SLC4A4: variants seen among roughly 807,000 people sequenced by gnomAD.
SLC4A4 encodes electrogenic sodium bicarbonate cotransporter 1.
Under a neutral mutation model 111.5 loss-of-function variants are expected in SLC4A4, and 27 were observed. That is an observed-to-expected ratio of 0.24 (90% CI 0.18 to 0.33). SLC4A4 has a LOEUF of 0.33. Ranked by LOEUF, SLC4A4 falls within the 10% of genes least tolerant of loss-of-function variation. The pLI is 1.00. For synonymous variants in SLC4A4, 443 were observed against 463.4 expected (o/e 0.96, Z 0.57); for missense variants, 909 against 1,315.5 (o/e 0.69, Z 4.78).
chr4:71,465,649 C>T (rs1474947308), intron 12 of SLC4A4, among the ~76,000 whole-genome samples: 5 of 151,700 alleles, frequency 3.3e-5, no homozygotes, highest in Non-Finnish European at 5.9e-5. Flanking sequence ...TCCTGAGTGA[C>T]GTGATTAGGA....
At chr4:71,468,273 C>T (rs1013216039) in intron 13 of SLC4A4, among the ~76,000 whole-genome samples, 1 of 151,918 alleles carries the variant, frequency 6.6e-6, no homozygotes, top group African/African-American at 2.4e-5. Context: ...ACAAGAAAGC[C>T]TTTGTGGAAA....
intron 1 of SLC4A4, among the ~76,000 whole-genome samples, chr4:71,069,632 C>T (rs745764668): frequency 5.3e-5 from 8 of 152,148 alleles, no homozygotes; most frequent in East Asian, 1.9e-4. Context: ...TCATGGACAC[C>T]GAAAAGATGA....
At chr4:71,298,114 G>A (rs988318631) in intron 3 of SLC4A4, among the ~76,000 whole-genome samples, 4 of 152,140 alleles carry the variant, frequency 2.6e-5, no homozygotes, top group Non-Finnish European at 5.9e-5. Flanking sequence ...AGCATTTTGT[G>A]AACCATAAAC....
chr4:71,130,338 T>C (rs1743668833), intron 2 of SLC4A4, among the ~76,000 whole-genome samples: 1 of 152,176 alleles, frequency 6.6e-6, no homozygotes, highest in Admixed American at 6.5e-5. Context: ...TAAGCAATTC[T>C]ACCACCTCAG....
rs191293592 is a variant in SLC4A4, at chr4:71,480,989, T to G, written c.1904-5959T>G. ...TTTCTCCAGGTCACAGAGCTAGGAG[T>G]AATCTTAGCTGCCATTTATTTAGAT... On this transcript the variant is annotated intron_variant, in intron 14 of 25. Transcript: ENST00000264485. 1.3e-4 allele frequency among the ~76,000 whole-genome samples: 20 copies of G among 151,796 alleles called. No homozygotes were observed. In the East Asian group the frequency reaches 3.7e-3, roughly 28 times the overall value.
rs562361564 is a variant in SLC4A4, at chr4:71,402,933, A to G, written c.807+5280A>G. ...CCTTTTCCCATTCTATGCTTCTCCC[A>G]TATTCTTAAAGCTTAAACAGTTGAC... On this transcript the variant is annotated intron_variant, in intron 7 of 25. Coordinates refer to ENST00000264485, the MANE Select transcript of SLC4A4 (RefSeq NM_001098484.3). Among the ~76,000 whole-genome samples the G allele has an allele frequency of 1.5e-3, 231 of 152,322 alleles. 1 individual carries two copies. The highest frequency in any genetic ancestry group is 5.5e-3 in the African/African-American group (227 of 41,568).
chr4:71,311,718 C>T (rs1726183737), intron 3 of SLC4A4, among the ~76,000 whole-genome samples: 1 of 152,032 alleles, frequency 6.6e-6, no homozygotes, highest in Non-Finnish European at 1.5e-5. Context: ...ACTCAATGCC[C>T]AAAGGAGAAA....
At chr4:71,390,526 A>C (rs1014389016) in intron 6 of SLC4A4, among the ~76,000 whole-genome samples, 1 of 152,164 alleles carries the variant, frequency 6.6e-6, no homozygotes, top group East Asian at 1.9e-4. Flanking sequence ...TTAGAATGGC[A>C]AACAGAGTGG....
intron 3 of SLC4A4, among the ~76,000 whole-genome samples, chr4:71,316,840 T>G (rs1726723480): frequency 6.6e-6 from 1 of 152,110 alleles, no homozygotes; most frequent in Non-Finnish European, 1.5e-5. Context: ...TTGCTGAGGA[T>G]AATGGCTTTG....
chr4:71,064,811 G>A (rs1173604748), intron 1 of SLC4A4, among the ~76,000 whole-genome samples: 1 of 152,162 alleles, frequency 6.6e-6, no homozygotes, highest in African/African-American at 2.4e-5. Flanking sequence ...TAAAATTTGC[G>A]CTGTGCCACT....
intron 2 of SLC4A4, among the ~76,000 whole-genome samples, chr4:71,172,853 G>A (rs556557287): frequency 6.6e-6 from 1 of 152,238 alleles, no homozygotes; most frequent in East Asian, 1.9e-4. Flanking sequence ...AAAAGCTAAA[G>A]TCACAGTATC....
intron 2 of SLC4A4, among the ~76,000 whole-genome samples, chr4:71,125,418 C>G (rs1743534312): frequency 1.3e-5 from 2 of 152,118 alleles, no homozygotes; most frequent in South Asian, 4.1e-4. Context: ...ACTAAAAATA[C>G]AAAAAAATTA....
At chr4:71,084,014 C>G (rs967420263) in intron 1 of SLC4A4, among the ~76,000 whole-genome samples, 2 of 151,726 alleles carry the variant, frequency 1.3e-5, no homozygotes, top group African/African-American at 4.9e-5. Flanking sequence ...CTCTCTCTCT[C>G]TCTCTCTGTC....
At chr4:71,507,193 G>T (rs1731495196) in intron 16 of SLC4A4, among the ~76,000 whole-genome samples, 1 of 152,128 alleles carries the variant, frequency 6.6e-6, no homozygotes, top group South Asian at 2.1e-4. Flanking sequence ...AAACAAGTCT[G>T]CAAAATAACC....
At chr4:71,074,276 G>A (rs557231895) in intron 1 of SLC4A4, among the ~76,000 whole-genome samples, 76 of 152,314 alleles carry the variant, frequency 5.0e-4, no homozygotes, top group South Asian at 2.5e-3. Flanking sequence ...GTAAAGAGGA[G>A]AATAGGCTGA....
Position 71,567,065 on chromosome 4 carries a change from A to G in SLC4A4, c.*18A>G. The G allele has an allele frequency of 6.2e-7, 1 of 1,609,642 alleles. No homozygotes were observed. Among genetic ancestry groups the G allele is most frequent in the Non-Finnish European group, 8.5e-7 (1 of 1,177,226 alleles). ...CATGCTGATAAAATTCCTTTCCTTC[A>G]GTCACTCGGTATGCCAAGGTAAAGG... On this transcript the variant is annotated 3_prime_UTR_variant, in exon 25 of 26. Coordinates refer to ENST00000264485, the MANE Select transcript of SLC4A4 (RefSeq NM_001098484.3).
At chr4:71,182,914 A>G (rs957782551), upstream of SLC4A4, among the ~76,000 whole-genome samples, 18 of 152,122 alleles carry the variant, frequency 1.2e-4, no homozygotes, top group Admixed American at 2.0e-4. Context: ...CCAAACAGAG[A>G]GGTCTGTGTC....
At chr4:71,532,737 T>A (rs1441775257) in intron 17 of SLC4A4, among the ~76,000 whole-genome samples, 1 of 152,098 alleles carries the variant, frequency 6.6e-6, no homozygotes. Flanking sequence ...ATCCTGATTT[T>A]ATAAAGTTAA....
chr4:71,353,027 C>T (rs142930136), intron 5 of SLC4A4, among the ~76,000 whole-genome samples: 1 of 152,318 alleles, frequency 6.6e-6, no homozygotes, highest in Non-Finnish European at 1.5e-5. Flanking sequence ...CAGCAACTAA[C>T]TGACCGTTTT....
Sources: gnomAD v4.1 joint callset for allele counts (sites outside exome capture counted in the v4.1 genomes callset) on GRCh38, gnomAD v4.1.1 for gene constraint, MANE v1.5 for transcripts, NCBI Gene and HGNC (gene_info 2026-07-23, HGNC 2026-07-21) for gene names.